MDGA1: variants seen among roughly 807,000 people sequenced by gnomAD.
MDGA1 encodes the protein MAM domain-containing glycosylphosphatidylinositol anchor protein 1.
Under a neutral mutation model 101.5 loss-of-function variants are expected in MDGA1, and 54 were observed. That is an observed-to-expected ratio of 0.53 (90% CI 0.43 to 0.67). MDGA1 has a LOEUF of 0.67. Ranked by LOEUF, MDGA1 falls within the 30% of genes least tolerant of loss-of-function variation. The probability of loss-of-function intolerance (pLI) is 0.00; values close to 1 mark genes in which losing one functional copy is unlikely to be tolerated. For missense variants in MDGA1, 1,083 were observed against 1,323.8 expected (o/e 0.82, Z 2.82); for synonymous variants, 533 against 558.3 (o/e 0.95, Z 0.64).
intron 10 of MDGA1, 100 bp downstream of exon 10, chr6:37,647,073 A>C: frequency 8.9e-7 from 1 of 1,123,492 alleles, no homozygotes; most frequent in Admixed American, 2.2e-5. Flanking sequence ...AACGTGTCTA[A>C]GCCCCATCTC....
chr6:37,658,201 G>A, intron 3 of MDGA1, 44 bp downstream of exon 3: 1 of 1,511,964 alleles, frequency 6.6e-7, no homozygotes. Context: ...CTCTGGCCCG[G>A]GCTGGGCTGT....
chr6:37,659,814 A>G (rs1761578903), intron 2 of MDGA1, among the ~76,000 whole-genome samples: 1 of 152,202 alleles, frequency 6.6e-6, no homozygotes. Context: ...GGGAAAAGTT[A>G]GAGGCAGTTT....
Position 37,637,189 on chromosome 6 carries a change from G to C in MDGA1, c.*179C>G. 1 of 576,482 alleles carries C rather than the reference G, an allele frequency of 1.7e-6. No individual in the cohort carries two copies. The allele number at this position is 576,482 out of a possible 1,614,324, so 35.7% of individuals were successfully genotyped here. A position where few individuals can be genotyped will look rare whatever the true frequency, so the allele number is the denominator to read the frequency against. On this transcript the variant is annotated 3_prime_UTR_variant, in exon 17 of 17. Transcript: ENST00000434837. ...TGCAAGTGGAACAGCTGTCTCCAGG[G>C]CCTCAGTGCCTGGCCTCTGTCCTTG... is the stretch of plus-strand genomic sequence containing the variant.
chr6:37,647,276 C>T lies in MDGA1; in HGVS notation c.1943G>A (p.Arg648His), dbSNP rs1435405297. ...GTAGTTCTTGGACAGCTTGTGGCTG[C>T]GGGTGGGGTTGGGGGTGTCGAAGTA... ...EFYFDTPNPT[R>H]SHKLSKNYSY... is the part of the protein sequence containing the mutation. Residue 648 changes from arginine (R) to histidine (H), a missense_variant, in exon 10 of 17, where the codon CGC becomes CAC. Coordinates refer to ENST00000434837, the MANE Select transcript of MDGA1 (RefSeq NM_153487.4). 10 of 1,559,252 alleles carry T rather than the reference C, an allele frequency of 6.4e-6. No individual in the cohort carries two copies. The highest frequency in any genetic ancestry group is 1.2e-5 in the South Asian group (1 of 84,468).
At chr6:37,637,591 G>T in intron 16 of MDGA1, 132 bp from the exon 17 acceptor site, 1 of 704,526 alleles carries the variant, frequency 1.4e-6, no homozygotes. Flanking sequence ...ACTGGCCTCA[G>T]TGCACACAGA....
chr6:37,637,341 G>A lies in MDGA1; in HGVS notation c.*27C>T. On this transcript the variant is annotated 3_prime_UTR_variant, in exon 17 of 17. Coordinates refer to ENST00000434837, the MANE Select transcript of MDGA1 (RefSeq NM_153487.4). ...GACACTTTGGTGTGCCGGGGGCAAG[G>A]TTGGGGGGGTGGCCACACAGCTCTC... 6.3e-7 allele frequency: 1 copy of A among 1,581,976 alleles called. No homozygotes were observed. The highest frequency in any genetic ancestry group is 8.7e-7 in the Non-Finnish European group (1 of 1,152,034).
In MDGA1 at chr6:37,696,174, G is replaced by T. The variant is rs1762414599; in HGVS notation, c.67+571C>A. Among the ~76,000 whole-genome samples the T allele has an allele frequency of 1.3e-5, 2 of 152,232 alleles. No homozygotes were observed. Among genetic ancestry groups the T allele is most frequent in the South Asian group, 4.1e-4 (2 of 4,832 alleles). On this transcript the variant is annotated intron_variant, in intron 1 of 16. Coordinates refer to ENST00000434837, the MANE Select transcript of MDGA1 (RefSeq NM_153487.4). The surrounding 1 kb of genome is among the most constrained non-coding windows in gnomAD (Gnocchi z 5.6). ...CGGGGACAGGAAGAACTGGTTCAGGGAAGGTCCGAAAAGGGATGCCGGGGT... is the reference window on the plus strand; with the variant it reads ...CGGGGACAGGAAGAACTGGTTCAGGTAAGGTCCGAAAAGGGATGCCGGGGT...
At chr6:37,695,699 G>C (rs1170885552) in intron 1 of MDGA1, among the ~76,000 whole-genome samples, 1 of 152,202 alleles carries the variant, frequency 6.6e-6, no homozygotes, top group Admixed American at 6.5e-5. Context: ...GGATCTAAAA[G>C]AGGAATCATT....
At position 37,650,145 on chromosome 6, in the gene MDGA1, GCACGTTGAAGC is replaced by G; in HGVS notation, c.1562_1572del (p.Gly521AlafsTer4). ...AGCTGCACCTGGGCCTCACGGGGGC[GCACGTTGAAGC>G]CATTATAGCGGGCCGTCTGGCAGCG... On this transcript the variant is annotated frameshift_variant, in exon 8 of 17. Coordinates refer to ENST00000434837, the MANE Select transcript of MDGA1 (RefSeq NM_153487.4). LOFTEE classifies it high-confidence loss of function. 1 of 1,606,638 alleles carries G rather than the reference GCACGTTGAAGC, an allele frequency of 6.2e-7. No individual in the cohort carries two copies. The highest frequency in any genetic ancestry group is 8.5e-7 in the Non-Finnish European group (1 of 1,174,144).
At position 37,634,807 on chromosome 6, in the gene MDGA1, G is replaced by A. The variant is rs962555123; in HGVS notation, c.*2561C>T. On this transcript the variant is annotated 3_prime_UTR_variant, in exon 17 of 17. Coordinates refer to ENST00000434837, the MANE Select transcript of MDGA1 (RefSeq NM_153487.4). The surrounding 1 kb of genome is among the most constrained non-coding windows in gnomAD (Gnocchi z 4.7). ...TTCGTCCATAAAGACCAGGAACCTG[G>A]GGGCCACATGTATGCAGTTCAGCTC... The A allele has an allele frequency of 6.6e-6, 1 of 152,652 alleles. No homozygotes were observed. Among genetic ancestry groups the A allele is most frequent in the African/African-American group, 2.4e-5 (1 of 41,442 alleles). The allele number at this position is 152,652 out of a possible 1,614,324, so 9.5% of individuals were successfully genotyped here.
intron 1 of MDGA1, among the ~76,000 whole-genome samples, chr6:37,693,573 G>A (rs2114116080): frequency 6.6e-6 from 1 of 152,354 alleles, no homozygotes; most frequent in Non-Finnish European, 1.5e-5. Context: ...GAATCCCACT[G>A]ACCTGCGGTC....
intron 9 of MDGA1, 150 bp from the exon 10 acceptor site, chr6:37,647,474 A>T: frequency 1.8e-6 from 1 of 541,266 alleles, no homozygotes; most frequent in Admixed American, 3.4e-5. Context: ...GAGGTGGGGA[A>T]CGTTGGGAGA....
chr6:37,656,492 C>T (rs7452633), intron 3 of MDGA1, among the ~76,000 whole-genome samples: 89,719 of 151,296 alleles, frequency 0.59, 27,906 homozygotes, highest in East Asian at 0.85. Flanking sequence ...CCCACCTCAG[C>T]CTCCTGAATA....
Position 37,697,048 on chromosome 6 carries a change from C to T in MDGA1, c.-237G>A. 4.7e-6 allele frequency: 2 copies of T among 422,064 alleles called. No individual in the cohort carries two copies. The highest frequency in any genetic ancestry group is 1.3e-4 in the South Asian group (2 of 15,666). 26.1% of individuals were successfully genotyped at this position (422,064 alleles called of 1,614,324 possible). A position where few individuals can be genotyped will look rare whatever the true frequency, so the allele number is the denominator to read the frequency against. On this transcript the variant is annotated 5_prime_UTR_variant, in exon 1 of 17. Transcript: ENST00000434837. Reference sequence around the variant, plus strand: ...GGGGGCGCTGGCCCAGCCCCGGGTGCCTCGGCGCGCCCGGCACAGCAGCCA... The same window carrying T: ...GGGGGCGCTGGCCCAGCCCCGGGTGTCTCGGCGCGCCCGGCACAGCAGCCA...
At chr6:37,639,769 C>T (rs1764019975) in intron 14 of MDGA1, 1 of 152,070 alleles carries the variant, frequency 6.6e-6, no homozygotes, top group Non-Finnish European at 1.5e-5. Flanking sequence ...AGGACAGGGG[C>T]CTTTGTCTTG....
At position 37,688,578 on chromosome 6, in the gene MDGA1, C is replaced by A. The variant is rs555665179; in HGVS notation, c.67+8167G>T. Among the ~76,000 whole-genome samples the A allele has an allele frequency of 2.6e-5, 4 of 152,330 alleles. No homozygotes were observed. The South Asian group carries it at 8.3e-4, about 32-fold the overall frequency. On this transcript the variant is annotated intron_variant, in intron 1 of 16. Transcript: ENST00000434837. ...GGCTGGGCTTGGGGAAGGGGAGCTG[C>A]TATTCCAGCCTCCCTGGCCTGCCAC...
intron 6 of MDGA1, among the ~76,000 whole-genome samples, chr6:37,653,428 C>A (rs1761412645): frequency 6.6e-6 from 1 of 152,102 alleles, no homozygotes. Context: ...GAAGAGAGTC[C>A]ATGTAATCAG....
Position 37,652,130 on chromosome 6 carries a change from C to G in MDGA1, c.1193G>C (p.Ser398Thr), listed in dbSNP as rs202167446. 2.5e-5 allele frequency: 40 copies of G among 1,613,912 alleles called. No individual in the cohort carries two copies. In the East Asian group the frequency reaches 8.7e-4, roughly 35 times the overall value. ...RNDPELPAVT[S>T]SLELIDLHFS... ...GTGCAGGTCAATGAGCTCTAGGCTG[C>G]TGGTGACTGCGGGCAGCTCAGGATC... The change falls in exon 7 of 17, where the codon AGC becomes ACC. Residue 398 changes from serine (S) to threonine (T), a missense_variant. By Grantham distance (58) the Ser-to-Thr change is moderately conservative. Transcript: ENST00000434837. The surrounding 1 kb of genome is among the most constrained non-coding windows in gnomAD (Gnocchi z 4.3).
Position 37,655,566 on chromosome 6 carries a change from A to G in MDGA1, c.579+134T>C. On this transcript the variant is annotated intron_variant, in intron 4 of 16. Coordinates refer to ENST00000434837, the MANE Select transcript of MDGA1 (RefSeq NM_153487.4). The surrounding 1 kb of genome is among the most constrained non-coding windows in gnomAD (Gnocchi z 5.1). ...TTCTGCCCCAGGCTGTCTGAACTCC[A>G]ATCAGAATGTGTGTTTCCAAAGTAA... The G allele has an allele frequency of 1.4e-6, 1 of 710,220 alleles. No individual in the cohort carries two copies. The highest frequency in any genetic ancestry group is 2.3e-6 in the Non-Finnish European group (1 of 428,848). 44.0% of individuals were successfully genotyped at this position (710,220 alleles called of 1,614,324 possible).
Sources: allele counts gnomAD v4.1 joint callset (sites outside exome capture counted in the v4.1 genomes callset), GRCh38; gene constraint gnomAD v4.1.1; non-coding constraint Gnocchi (gnomAD v3.1); transcripts MANE v1.5; gene names NCBI Gene and HGNC (gene_info 2026-07-23, HGNC 2026-07-21).